LIFR: variants seen among roughly 807,000 people sequenced by gnomAD.
LIFR encodes LIF receptor subunit alpha.
In LIFR, 84 loss-of-function variants were observed where a neutral mutation model predicts 122.2. The ratio of observed to expected loss-of-function variants is 0.69; its 90% CI spans 0.58 to 0.82. The LOEUF (loss-of-function observed/expected upper bound fraction) is 0.82. Among genes scored for constraint, LIFR ranks in the 40% least tolerant of loss-of-function variants. The pLI, the probability that LIFR is intolerant of heterozygous loss-of-function variation, is 0.00. For synonymous variants in LIFR, 422 were observed against 434.7 expected (o/e 0.97, Z 0.36); for missense variants, 1,294 against 1,311.6 (o/e 0.99, Z 0.21).
intron 1 of LIFR, among the ~76,000 whole-genome samples, chr5:38,546,129 A>C (rs974919473): frequency 3.0e-4 from 46 of 152,152 alleles, no homozygotes; most frequent in Admixed American, 2.4e-3. Flanking sequence ...TGTAACTTTA[A>C]TTACGAACTG....
intron 1 of LIFR, chr5:38,579,536 C>T (rs897259387): frequency 2.6e-5 from 4 of 151,924 alleles, no homozygotes; most frequent in Admixed American, 2.0e-4. Flanking sequence ...CAATGTAAAC[C>T]AGCACACCGA....
intron 1 of LIFR, among the ~76,000 whole-genome samples, chr5:38,549,786 G>A (rs1055644076): frequency 1.3e-5 from 2 of 152,076 alleles, no homozygotes; most frequent in Admixed American, 6.5e-5. Context: ...GCGAGACTCC[G>A]TTTCCACACA....
chr5:38,514,522 TC>T (rs1745973142), intron 5 of LIFR, among the ~76,000 whole-genome samples: 1 of 152,240 alleles, frequency 6.6e-6, no homozygotes, highest in South Asian at 2.1e-4. Flanking sequence ...GTATGAAAGT[TC>T]CAGTTCCTCT....
intron 1 of LIFR, among the ~76,000 whole-genome samples, chr5:38,587,693 AC>A (rs1749795667): frequency 6.6e-6 from 1 of 152,158 alleles, no homozygotes; most frequent in South Asian, 2.1e-4. Flanking sequence ...TCAGATTTAA[AC>A]CCAGAATCTG....
chr5:38,519,529 C>T lies in LIFR; in HGVS notation c.561+3890G>A, dbSNP rs1235465293. 1.7e-4 allele frequency among the ~76,000 whole-genome samples: 26 copies of T among 152,146 alleles called. 1 individual carries two copies. Among genetic ancestry groups the T allele is most frequent in the Admixed American group, 1.7e-3 (26 of 15,278 alleles). On this transcript the variant is annotated intron_variant, in intron 5 of 19. Transcript: ENST00000453190. ...ATGGATGCTAACTACAGTCACCCTA[C>T]TTGACTATCTAACACAGAACTTATA...
upstream of LIFR, among the ~76,000 whole-genome samples, chr5:38,599,433 A>C (rs1011761755): frequency 1.3e-5 from 2 of 152,168 alleles, no homozygotes; most frequent in African/African-American, 4.8e-5. Context: ...AGTTTGAAGC[A>C]TAGACCTTGA....
intron 1 of LIFR, among the ~76,000 whole-genome samples, chr5:38,532,792 C>T (rs1747084918): frequency 6.6e-6 from 1 of 152,174 alleles, no homozygotes; most frequent in African/African-American, 2.4e-5. Flanking sequence ...TTCCGAAGTA[C>T]TTTCAGAAAA....
At chr5:38,561,825 T>C (rs1748848825) in intron 1 of LIFR, among the ~76,000 whole-genome samples, 1 of 152,232 alleles carries the variant, frequency 6.6e-6, no homozygotes, top group Admixed American at 6.5e-5. Context: ...AGCAGTCATT[T>C]TCCCTTTGGT....
At chr5:38,569,271 A>G (rs150028482) in intron 1 of LIFR, among the ~76,000 whole-genome samples, 6 of 152,316 alleles carry the variant, frequency 3.9e-5, no homozygotes, top group African/African-American at 1.2e-4. Context: ...TGCCTACACA[A>G]TGACATTTAG....
At chr5:38,596,748 G>T (rs1466561123), upstream of LIFR, among the ~76,000 whole-genome samples, 1 of 152,032 alleles carries the variant, frequency 6.6e-6, no homozygotes, top group Non-Finnish European at 1.5e-5. Flanking sequence ...ATCACACCTG[G>T]TCAACCCTAA....
In LIFR at chr5:38,475,744, T is replaced by C; in HGVS notation, c.*5851A>G. 5.3e-6 allele frequency: 1 copy of C among 188,606 alleles called. No homozygotes were observed. The highest frequency in any genetic ancestry group is 1.1e-5 in the Non-Finnish European group (1 of 89,290). The allele number at this position is 188,606 out of a possible 1,614,324, so 11.7% of individuals were successfully genotyped here. Reference sequence around the variant, plus strand: ...AAAAAAAGGTAATTTCCTAGTGTTATAAGGACCTTGACTTATGGCCAGCTA... The same window carrying C: ...AAAAAAAGGTAATTTCCTAGTGTTACAAGGACCTTGACTTATGGCCAGCTA... On this transcript the variant is annotated 3_prime_UTR_variant, in exon 20 of 20. Transcript: ENST00000453190.
chr5:38,564,769 CACACACACAT>C (rs1261837404), intron 1 of LIFR, among the ~76,000 whole-genome samples: 107 of 143,202 alleles, frequency 7.5e-4, no homozygotes, highest in Non-Finnish European at 1.2e-3. Context: ...CACACACACA[CACACACACAT>C]ATATTTTTTT....
chr5:38,481,387 T>C lies in LIFR; in HGVS notation c.*208A>G, dbSNP rs1289351757. On this transcript the variant is annotated 3_prime_UTR_variant, in exon 20 of 20. Coordinates refer to ENST00000453190, the MANE Select transcript of LIFR (RefSeq NM_001127671.2). ...CACAAAGAGCTCCCAATCTTGAGTT[T>C]TGTGGATTGAGGATTCTGAGTCACT... 5.0e-6 allele frequency: 3 copies of C among 603,922 alleles called. No individual in the cohort carries two copies. Among genetic ancestry groups the C allele is most frequent in the Non-Finnish European group, 8.8e-6 (3 of 342,366 alleles). The allele number at this position is 603,922 out of a possible 1,614,324, so 37.4% of individuals were successfully genotyped here. A position where few individuals can be genotyped will look rare whatever the true frequency, so the allele number is the denominator to read the frequency against.
intron 1 of LIFR, among the ~76,000 whole-genome samples, chr5:38,547,171 A>G (rs369746333): frequency 6.6e-6 from 1 of 152,196 alleles, no homozygotes; most frequent in African/African-American, 2.4e-5. Flanking sequence ...ATATGTATCT[A>G]TATGTACAAT....
At chr5:38,573,179 C>G (rs1580212711) in intron 1 of LIFR, among the ~76,000 whole-genome samples, 1 of 152,312 alleles carries the variant, frequency 6.6e-6, no homozygotes, top group East Asian at 1.9e-4. Context: ...TTAAACCAAC[C>G]AGATATTTGT....
In LIFR at chr5:38,505,906, T is replaced by C. The variant is rs1418919413; in HGVS notation, c.1290A>G (p.Lys430=). 1.4e-5 allele frequency: 22 copies of C among 1,595,812 alleles called. No homozygotes were observed. The highest frequency in any genetic ancestry group is 1.8e-5 in the Non-Finnish European group (21 of 1,167,330). ...QSTILVNITE[K]VYPHTPTSFK... ...GACATTAGTTTATGTACAGCTTACC[T>C]TTTTCAGTTATATTAACTAAAATTG... is the stretch of plus-strand genomic sequence containing the variant. The change falls in exon 9 of 20, where the codon AAA becomes AAG. Residue 430 remains lysine, a splice_region_variant and synonymous_variant. Coordinates refer to ENST00000453190, the MANE Select transcript of LIFR (RefSeq NM_001127671.2).
At chr5:38,499,420 G>C (rs1745058417) in intron 12 of LIFR, 93 bp downstream of exon 12, 2 of 856,918 alleles carry the variant, frequency 2.3e-6, no homozygotes, top group Admixed American at 1.8e-5. Flanking sequence ...GCCAGTCTGG[G>C]AAGTTTCAGC....
chr5:38,583,183 T>C (rs1749642701), intron 1 of LIFR, among the ~76,000 whole-genome samples: 1 of 152,262 alleles, frequency 6.6e-6, no homozygotes, highest in South Asian at 2.1e-4. Context: ...TTATGAGTTA[T>C]AAATTTCATG....
chr5:38,482,819 A>G (rs1744068102), intron 18 of LIFR, 152 bp from the exon 19 acceptor site: 1 of 453,762 alleles, frequency 2.2e-6, no homozygotes, highest in Non-Finnish European at 3.9e-6. Context: ...ATCATTCACT[A>G]CAGCTGTCTA....
Sources: gnomAD v4.1 joint callset for allele counts (sites outside exome capture counted in the v4.1 genomes callset) on GRCh38, gnomAD v4.1.1 for gene constraint, MANE v1.5 for transcripts, NCBI Gene and HGNC (gene_info 2026-07-23, HGNC 2026-07-21) for gene names.